SMYD3: variants seen among roughly 807,000 people sequenced by gnomAD.
SMYD3 encodes histone-lysine N-methyltransferase SMYD3.
Under a neutral mutation model 57.7 loss-of-function variants are expected in SMYD3, and 36 were observed. That is an observed-to-expected ratio of 0.62 (90% CI 0.48 to 0.82). SMYD3 has a LOEUF of 0.82. Among genes scored for constraint, SMYD3 ranks in the 40% least tolerant of loss-of-function variants. The pLI, the probability that SMYD3 is intolerant of heterozygous loss-of-function variation, is 0.00. For missense variants in SMYD3, 515 were observed against 538.8 expected, an observed-to-expected ratio of 0.96 and a Z score of 0.44; for synonymous variants, 211 against 195.0, an observed-to-expected ratio of 1.08 and a Z score of -0.68.
At chr1:246,011,059 T>C (rs1305947310) in intron 5 of SMYD3, among the ~76,000 whole-genome samples, 2 of 152,212 alleles carry the variant, frequency 1.3e-5, no homozygotes, top group African/African-American at 4.8e-5. Context: ...GGACTAGAAA[T>C]CTACATTTTA....
At chr1:246,282,342 C>CAAAAAAAAAAAAA (rs1478003812) in intron 5 of SMYD3, among the ~76,000 whole-genome samples, 49 of 79,950 alleles carry the variant, frequency 6.1e-4, no homozygotes, top group East Asian at 1.0e-3. Flanking sequence ...AAAAAAAAAG[C>CAAAAAAAAAAAAA]AAAAAAATTA....
intron 5 of SMYD3, among the ~76,000 whole-genome samples, chr1:246,159,658 C>A (rs2062082123): frequency 6.6e-6 from 1 of 152,066 alleles, no homozygotes; most frequent in African/African-American, 2.4e-5. Flanking sequence ...CTAGGCAGGG[C>A]CATGGCAAGT....
chr1:246,394,433 G>A (rs11799559), intron 1 of SMYD3, among the ~76,000 whole-genome samples: 59,993 of 152,100 alleles, frequency 0.39, 12,573 homozygotes, highest in Admixed American at 0.49. Context: ...ACTGAGGGGC[G>A]TACAATGTAA....
intron 10 of SMYD3, among the ~76,000 whole-genome samples, chr1:245,853,441 G>A (rs1039116194): frequency 2.6e-5 from 4 of 152,170 alleles, no homozygotes; most frequent in Admixed American, 6.5e-5. Flanking sequence ...CGCGCGCTCA[G>A]GTCCTCCCAC....
At chr1:246,166,005 G>A (rs1325109416) in intron 5 of SMYD3, among the ~76,000 whole-genome samples, 1 of 152,028 alleles carries the variant, frequency 6.6e-6, no homozygotes, top group Non-Finnish European at 1.5e-5. Flanking sequence ...CAGGAATGTA[G>A]GTCAACAAGG....
rs1395964043 is a variant in SMYD3, at chr1:246,233,922, C to T, written c.531+93279G>A. ...GAACATATACCACGCAGAGGAGAAA[C>T]GCTCCTTCAATTCACACTGTGATGA... On this transcript the variant is annotated intron_variant, in intron 5 of 11. Transcript: ENST00000490107. Among the ~76,000 whole-genome samples the T allele has an allele frequency of 4.7e-5, 6 of 127,682 alleles. 1 individual carries two copies. Among genetic ancestry groups the T allele is most frequent in the Non-Finnish European group, 6.5e-5 (4 of 61,672 alleles). The allele number at this position is 127,682 out of a possible 152,430, so 83.8% of individuals were successfully genotyped here.
chr1:246,447,397 T>C (rs762960628), intron 1 of SMYD3, among the ~76,000 whole-genome samples: 1 of 152,160 alleles, frequency 6.6e-6, no homozygotes. Flanking sequence ...GACAGAAAAA[T>C]TCTTGGCTAT....
At chr1:246,362,461 C>T (rs61841303) in intron 1 of SMYD3, among the ~76,000 whole-genome samples, 20 of 10,092 alleles carry the variant, frequency 2.0e-3, no homozygotes, top group African/African-American at 7.5e-3. Flanking sequence ...CCCTCTCCCT[C>T]TCCACGGTCT....
At chr1:245,971,390 C>T (rs996020313) in intron 5 of SMYD3, among the ~76,000 whole-genome samples, 2 of 151,948 alleles carry the variant, frequency 1.3e-5, no homozygotes, top group African/African-American at 4.8e-5. Flanking sequence ...CACGTGTATA[C>T]CTATGTAACA....
At chr1:246,256,716 A>C (rs749934114) in intron 5 of SMYD3, among the ~76,000 whole-genome samples, 9 of 151,720 alleles carry the variant, frequency 5.9e-5, no homozygotes, top group Admixed American at 2.0e-4. Context: ...GCTAGCTTTG[A>C]AATGTTTGTT....
intron 5 of SMYD3, among the ~76,000 whole-genome samples, chr1:246,159,407 G>A (rs2062077598): frequency 6.6e-6 from 1 of 152,138 alleles, no homozygotes; most frequent in South Asian, 2.1e-4. Flanking sequence ...TGTCTAGCCA[G>A]CCTAGTCAGT....
Position 246,244,047 on chromosome 1 carries a change from C to A in SMYD3, c.531+83154G>T, listed in dbSNP as rs866958024. Among the ~76,000 whole-genome samples, 3 of 128,384 alleles carry A rather than the reference C, an allele frequency of 2.3e-5. 1 individual carries two copies. The highest frequency in any genetic ancestry group is 7.5e-3 in the Middle Eastern group (2 of 266). 84.2% of individuals were successfully genotyped at this position (128,384 alleles called of 152,430 possible). A position where few individuals can be genotyped will look rare whatever the true frequency, so the allele number is the denominator to read the frequency against. On this transcript the variant is annotated intron_variant, in intron 5 of 11. Transcript: ENST00000490107. ...TGTATATATATATTTTAACATGGGA[C>A]TCATATATATATATGAGTTAAAAAA... is the stretch of plus-strand genomic sequence containing the variant.
At chr1:246,487,302 C>G (rs777165427) in intron 1 of SMYD3, among the ~76,000 whole-genome samples, 4 of 151,966 alleles carry the variant, frequency 2.6e-5, no homozygotes, top group Non-Finnish European at 4.4e-5. Flanking sequence ...CAAAAATTAG[C>G]CAGGCATGGT....
intron 5 of SMYD3, among the ~76,000 whole-genome samples, chr1:246,223,854 A>G (rs1466390941): frequency 6.6e-6 from 1 of 152,168 alleles, no homozygotes; most frequent in Non-Finnish European, 1.5e-5. Context: ...AATATGCTGG[A>G]ATTGCTAAAT....
In SMYD3 at chr1:246,451,974, G is replaced by A. The variant is rs982883206; in HGVS notation, c.164+55080C>T. Among the ~76,000 whole-genome samples, 3 of 152,126 alleles carry A rather than the reference G, an allele frequency of 2.0e-5. No homozygotes were observed. In the East Asian group the frequency reaches 5.8e-4, roughly 29 times the overall value. On this transcript the variant is annotated intron_variant, in intron 1 of 11. Transcript: ENST00000490107. ...GCACAACCGCAACTGCTTACCCCAA[G>A]TAGCTGACATGAAGTGGCTGTAAAG... is the stretch of plus-strand genomic sequence containing the variant.
At chr1:246,026,392 A>T (rs903511111) in intron 5 of SMYD3, among the ~76,000 whole-genome samples, 2 of 152,262 alleles carry the variant, frequency 1.3e-5, no homozygotes, top group South Asian at 4.1e-4. Context: ...AGTACACCTC[A>T]TTGCGTGTAC....
At chr1:246,362,731 A>C (rs552700950) in intron 1 of SMYD3, among the ~76,000 whole-genome samples, 29 of 152,220 alleles carry the variant, frequency 1.9e-4, no homozygotes, top group South Asian at 1.0e-3. Flanking sequence ...CCGGAGGTGC[A>C]GGGATTGCAG....
At chr1:246,212,025 A>G (rs1203088036) in intron 5 of SMYD3, among the ~76,000 whole-genome samples, 1 of 152,142 alleles carries the variant, frequency 6.6e-6, no homozygotes, top group East Asian at 1.9e-4. Flanking sequence ...TATATCTACA[A>G]CAGACAAAAT....
chr1:245,752,649 T>C (rs1230260405), intron 11 of SMYD3, among the ~76,000 whole-genome samples: 1 of 152,204 alleles, frequency 6.6e-6, no homozygotes, highest in African/African-American at 2.4e-5. Flanking sequence ...AGTATATTCC[T>C]GTTCATGGAA....
Sources: allele counts gnomAD v4.1 joint callset (sites outside exome capture counted in the v4.1 genomes callset), GRCh38; gene constraint gnomAD v4.1.1; transcripts MANE v1.5; gene names NCBI Gene and HGNC (gene_info 2026-07-23, HGNC 2026-07-21).